Variants in COG5 observed in about 807,000 individuals in gnomAD.
COG5 encodes the protein conserved oligomeric Golgi complex subunit 5.
In COG5, 86 loss-of-function variants were observed where a neutral mutation model predicts 110.4. That is an observed-to-expected ratio of 0.78 (90% CI 0.65 to 0.93). The LOEUF is 0.93. Among genes scored for constraint, COG5 ranks in the 40% least tolerant of loss-of-function variants. COG5 has a pLI of 0.00. For synonymous variants in COG5, 360 were observed against 334.6 expected (o/e 1.08, Z -0.83); for missense variants, 1,077 against 987.0 (o/e 1.09, Z -1.22).
chr7:107,325,843 A>T (rs1344593996), intron 10 of COG5, among the ~76,000 whole-genome samples: 1 of 152,210 alleles, frequency 6.6e-6, no homozygotes, highest in East Asian at 1.9e-4. Context: ...CCTTTTTAAA[A>T]TAAGTCTTAT....
intron 7 of COG5, among the ~76,000 whole-genome samples, chr7:107,379,244 C>T (rs997538652): frequency 6.6e-6 from 1 of 152,142 alleles, no homozygotes; most frequent in Non-Finnish European, 1.5e-5. Context: ...CACCACCAGG[C>T]CTGCCTTACA....
At chr7:107,340,663 C>T (rs118097390) in intron 10 of COG5, among the ~76,000 whole-genome samples, 90 of 152,230 alleles carry the variant, frequency 5.9e-4, no homozygotes, top group Admixed American at 1.6e-3. Context: ...TCCAACAGCA[C>T]ATCAAAAAGT....
chr7:107,416,783 G>C (rs1379347939), intron 6 of COG5, among the ~76,000 whole-genome samples: 4 of 152,196 alleles, frequency 2.6e-5, no homozygotes, highest in Non-Finnish European at 4.4e-5. Context: ...ATTAACAGCA[G>C]ATGGGACGTT....
intron 17 of COG5, among the ~76,000 whole-genome samples, chr7:107,237,514 T>C (rs552452720): frequency 2.9e-4 from 44 of 152,274 alleles, no homozygotes; most frequent in African/African-American, 9.1e-4. Context: ...CGTAGAGAAA[T>C]TGGTGATGGT....
At chr7:107,276,798 C>T (rs181272185) in intron 14 of COG5, among the ~76,000 whole-genome samples, 8 of 152,256 alleles carry the variant, frequency 5.3e-5, no homozygotes, top group Admixed American at 4.6e-4. Context: ...TATGATATTA[C>T]ACCTATAGGT....
chr7:107,474,077 T>C lies in COG5; in HGVS notation c.538+53160A>G. On this transcript the variant is annotated intron_variant, in intron 6 of 21. Coordinates refer to ENST00000297135, the MANE Select transcript of COG5 (RefSeq NM_006348.5). The surrounding 1 kb of genome is among the most constrained non-coding windows in gnomAD (Gnocchi z 5.7). ...TCCAAAAGAATGTGTTTTTCTCCCA[T>C]TCTGGAAATCAACATGCAGTCTGAA... 5.1e-6 allele frequency: 8 copies of C among 1,566,052 alleles called. No individual in the cohort carries two copies. Among genetic ancestry groups the C allele is most frequent in the Non-Finnish European group, 6.9e-6 (8 of 1,152,660 alleles).
At chr7:107,375,825 C>T (rs551746525) in intron 7 of COG5, among the ~76,000 whole-genome samples, 48 of 151,880 alleles carry the variant, frequency 3.2e-4, no homozygotes, top group African/African-American at 1.1e-3. Flanking sequence ...TGAATGTAGC[C>T]CATTTTATTA....
chr7:107,383,587 T>C (rs1235218458), intron 7 of COG5, among the ~76,000 whole-genome samples: 2 of 151,984 alleles, frequency 1.3e-5, no homozygotes, highest in African/African-American at 2.4e-5. Context: ...CCTGCCAAGG[T>C]TGCTGGAACT....
rs145472519 is a variant in COG5, at chr7:107,299,873, A to AATATATATATAT, written c.1109-1539_1109-1528dup. On this transcript the variant is annotated intron_variant, in intron 11 of 21. Coordinates refer to ENST00000297135, the MANE Select transcript of COG5 (RefSeq NM_006348.5). Reference sequence around the variant, plus strand: ...TATATATATATCTGGAATTATCTGGAATATATATATATATATATATGGAAT... The same window carrying AATATATATATAT: ...TATATATATATCTGGAATTATCTGGAATATATATATATATATATATATATATATATATGGAAT... 2.2e-3 allele frequency among the ~76,000 whole-genome samples: 270 copies of AATATATATATAT among 124,444 alleles called. 2 individuals carry two copies. Among genetic ancestry groups the AATATATATATAT allele is most frequent in the South Asian group, 5.3e-3 (20 of 3,796 alleles). 81.6% of individuals were successfully genotyped at this position (124,444 alleles called of 152,430 possible).
At chr7:107,540,610 A>G (rs116631864) in intron 5 of COG5, among the ~76,000 whole-genome samples, 4,248 of 149,842 alleles carry the variant, frequency 0.028, 182 homozygotes, top group African/African-American at 0.098. Context: ...AATTAAAATT[A>G]AATAAAAAAA....
At chr7:107,416,361 T>A (rs117080991) in intron 6 of COG5, among the ~76,000 whole-genome samples, 4,614 of 152,020 alleles carry the variant, frequency 0.03, 95 homozygotes, top group Non-Finnish European at 0.042. Flanking sequence ...TAACAATGAA[T>A]CTCAATAACA....
chr7:107,262,630 A>G (rs973547881), intron 14 of COG5, among the ~76,000 whole-genome samples: 1 of 152,136 alleles, frequency 6.6e-6, no homozygotes, highest in Non-Finnish European at 1.5e-5. Flanking sequence ...TTGCCTGTCA[A>G]TACTGTTAAA....
chr7:107,216,436 C>G (rs888167821), intron 19 of COG5, among the ~76,000 whole-genome samples: 1 of 152,190 alleles, frequency 6.6e-6, no homozygotes, highest in African/African-American at 2.4e-5. Context: ...TATCCAACAG[C>G]AAGGGAACAG....
chr7:107,469,064 T>A (rs1371356402), intron 6 of COG5, among the ~76,000 whole-genome samples: 3 of 150,638 alleles, frequency 2.0e-5, no homozygotes, highest in African/African-American at 7.3e-5. Context: ...TTTAAATATT[T>A]AATTTTAAAT....
Position 107,351,524 on chromosome 7 carries a change from C to T in COG5, c.1026+10509G>A, listed in dbSNP as rs541682686. Among the ~76,000 whole-genome samples the T allele has an allele frequency of 2.6e-5, 4 of 152,206 alleles. No homozygotes were observed. In the East Asian group the frequency reaches 5.8e-4, roughly 22 times the overall value. The stretch of plus-strand genomic sequence containing the variant: ...AACTACCATCAGAGTGAACAGGCAA[C>T]CTACAGAATGGGAGAAAATTTTTGC... On this transcript the variant is annotated intron_variant, in intron 10 of 21. Coordinates refer to ENST00000297135, the MANE Select transcript of COG5 (RefSeq NM_006348.5).
intron 19 of COG5, among the ~76,000 whole-genome samples, chr7:107,228,607 A>T (rs1168954720): frequency 6.6e-6 from 1 of 152,138 alleles, no homozygotes; most frequent in Non-Finnish European, 1.5e-5. Flanking sequence ...AGAACTCTAT[A>T]GCTTCAACAA....
chr7:107,330,300 T>C (rs945298358), intron 10 of COG5, among the ~76,000 whole-genome samples: 5 of 152,180 alleles, frequency 3.3e-5, no homozygotes, highest in Admixed American at 1.3e-4. Flanking sequence ...CCACATAAGC[T>C]GATAATAAAA....
intron 7 of COG5, among the ~76,000 whole-genome samples, chr7:107,400,439 A>G (rs947216622): frequency 6.6e-6 from 1 of 152,144 alleles, no homozygotes; most frequent in Non-Finnish European, 1.5e-5. Context: ...CTCCAGCACA[A>G]GAGTGTTTAA....
chr7:107,236,318 T>C (rs1340235524), intron 18 of COG5, 132 bp downstream of exon 18: 5 of 712,208 alleles, frequency 7.0e-6, no homozygotes, highest in Non-Finnish European at 1.2e-5. Flanking sequence ...TTTTTAACTA[T>C]TTATGCTTAA....
Sources: gnomAD v4.1 joint callset for allele counts (sites outside exome capture counted in the v4.1 genomes callset) on GRCh38, gnomAD v4.1.1 for gene constraint, Gnocchi (gnomAD v3.1) non-coding constraint, MANE v1.5 for transcripts, NCBI Gene and HGNC (gene_info 2026-07-23, HGNC 2026-07-21) for gene names.